Variants in SZRD1 observed in about 807,000 individuals in gnomAD.
SZRD1 encodes SUZ RNA-binding domain-containing.
Under a neutral mutation model 17.6 loss-of-function variants are expected in SZRD1, and 7 were observed. That is an observed-to-expected ratio of 0.40 (90% CI 0.23 to 0.75). The LOEUF (loss-of-function observed/expected upper bound fraction) is 0.75. Ranked by LOEUF, SZRD1 falls within the 30% of genes least tolerant of loss-of-function variation. The probability of loss-of-function intolerance (pLI) is 0.38; values close to 1 mark genes in which losing one functional copy is unlikely to be tolerated. For synonymous variants in SZRD1, 77 were observed against 77.9 expected, an observed-to-expected ratio of 0.99 and a Z score of 0.06; for missense variants, 178 against 201.8, an observed-to-expected ratio of 0.88 and a Z score of 0.71.
At chr1:16,372,213 C>G (rs2082926161) in intron 1 of SZRD1, among the ~76,000 whole-genome samples, 1 of 152,070 alleles carries the variant, frequency 6.6e-6, no homozygotes, top group African/African-American at 2.4e-5. Flanking sequence ...TGGCTCACGC[C>G]TGTAATCCCA....
rs1465417925 is a variant in SZRD1, at chr1:16,393,557, G to GT, written c.356+76dup. 6.9e-6 allele frequency: 10 copies of GT among 1,455,592 alleles called. No homozygotes were observed. The highest frequency in any genetic ancestry group is 9.3e-6 in the Non-Finnish European group (10 of 1,080,266). 90.2% of individuals were successfully genotyped at this position (1,455,592 alleles called of 1,614,324 possible). ...GGGAAGAGGAGAGCATCCTGGCTGC[G>GT]TGTAGAGTAGTGAGAAGCAAGCAGA... On this transcript the variant is annotated intron_variant, in intron 3 of 3. Coordinates refer to ENST00000401088, the MANE Select transcript of SZRD1 (RefSeq NM_001114600.3). This position sits in a 1 kb window ranked among gnomAD's most constrained non-coding sequence, Gnocchi z 5.6.
chr1:16,385,238 A>G (rs1029923876), intron 1 of SZRD1, among the ~76,000 whole-genome samples: 3 of 152,136 alleles, frequency 2.0e-5, no homozygotes, highest in Non-Finnish European at 4.4e-5. Flanking sequence ...TTTGGCTTGT[A>G]TACTGAGGCA....
chr1:16,376,818 A>AC (rs2083011352), intron 1 of SZRD1, among the ~76,000 whole-genome samples: 1 of 150,794 alleles, frequency 6.6e-6, no homozygotes. Context: ...AAAAAAAAAA[A>AC]AAAAAACGTT....
intron 1 of SZRD1, chr1:16,387,156 T>C: frequency 2.6e-6 from 1 of 386,682 alleles, no homozygotes; most frequent in Non-Finnish European, 5.1e-6. Flanking sequence ...AGTATTATAT[T>C]ACATGCCAAG....
chr1:16,370,481 G>A (rs780201547), intron 1 of SZRD1, among the ~76,000 whole-genome samples: 16 of 150,794 alleles, frequency 1.1e-4, no homozygotes, highest in South Asian at 6.3e-4. Flanking sequence ...CCTGCCTTAG[G>A]CTCCCAAAGT....
rs537572722 is a variant in SZRD1 at position 16,387,490 on chromosome 1, C to T, written c.52-3885C>T. On this transcript the variant is annotated intron_variant, in intron 1 of 3. Transcript: ENST00000401088. ...TGCCATAAAAATACTGATTTGGTTT[C>T]TTCTGCGCTAGATCTGGCCCTGTCT... 9.3e-4 allele frequency: 423 copies of T among 456,206 alleles called. 2 individuals are homozygous for T. Among genetic ancestry groups the T allele is most frequent in the South Asian group, 6.4e-3 (412 of 64,520 alleles). The allele number at this position is 456,206 out of a possible 1,614,324, so 28.3% of individuals were successfully genotyped here.
At chr1:16,372,442 C>T (rs1309593829) in intron 1 of SZRD1, among the ~76,000 whole-genome samples, 1 of 152,132 alleles carries the variant, frequency 6.6e-6, no homozygotes, top group Non-Finnish European at 1.5e-5. Flanking sequence ...CACTGCATTC[C>T]AGCCTGGGTG....
At chr1:16,367,331 T>A in intron 1 of SZRD1, 23 bp downstream of exon 1, 1 of 1,546,754 alleles carries the variant, frequency 6.5e-7, no homozygotes, top group South Asian at 1.2e-5. Context: ...CGCCGTCCCA[T>A]GGCAGGGCCG....
intron 1 of SZRD1, among the ~76,000 whole-genome samples, chr1:16,381,780 A>C (rs1018645763): frequency 2.0e-5 from 3 of 151,052 alleles, no homozygotes; most frequent in Non-Finnish European, 4.4e-5. Context: ...AAAAATACAA[A>C]AATTAGCCGG....
intron 1 of SZRD1, among the ~76,000 whole-genome samples, chr1:16,380,998 G>T (rs150801662): frequency 3.3e-5 from 5 of 150,316 alleles, no homozygotes; most frequent in Non-Finnish European, 7.4e-5. Flanking sequence ...GAGGCAGATC[G>T]CTTGAGTCCA....
At chr1:16,371,855 G>A (rs1290369194) in intron 1 of SZRD1, among the ~76,000 whole-genome samples, 1 of 152,144 alleles carries the variant, frequency 6.6e-6, no homozygotes, top group African/African-American at 2.4e-5. Flanking sequence ...CTGAGTAGCT[G>A]GGCCCACAGG....
intron 1 of SZRD1, among the ~76,000 whole-genome samples, chr1:16,376,675 A>C (rs1225837267): frequency 1.3e-5 from 2 of 151,794 alleles, no homozygotes; most frequent in African/African-American, 4.9e-5. Context: ...GTGTGGTGGC[A>C]GGTGCCTGTA....
At chr1:16,385,268 G>C (rs1042722214) in intron 1 of SZRD1, among the ~76,000 whole-genome samples, 5 of 152,166 alleles carry the variant, frequency 3.3e-5, no homozygotes, top group African/African-American at 1.2e-4. Flanking sequence ...GAGGCCTGCT[G>C]TCCTTGGGGA....
At chr1:16,370,351 G>A (rs1173162936) in intron 1 of SZRD1, among the ~76,000 whole-genome samples, 2 of 150,062 alleles carry the variant, frequency 1.3e-5, no homozygotes, top group Non-Finnish European at 3.0e-5. Context: ...TCAGCCTCCC[G>A]AGTAGCTGGG....
intron 1 of SZRD1, chr1:16,387,437 CAT>C (rs1317544771): frequency 2.2e-6 from 1 of 449,416 alleles, no homozygotes; most frequent in South Asian, 1.6e-5. Flanking sequence ...TGAAAGTTCA[CAT>C]AGTGAAGTTG....
intron 1 of SZRD1, among the ~76,000 whole-genome samples, chr1:16,382,114 G>T (rs1212063533): frequency 6.6e-6 from 1 of 152,098 alleles, no homozygotes; most frequent in Non-Finnish European, 1.5e-5. Flanking sequence ...ATTTAGTAGA[G>T]ACCCGTAGGC....
In SZRD1 at chr1:16,369,899, C is replaced by CAA. The variant is rs767599484; in HGVS notation, c.51+2602_51+2603dup. Among the ~76,000 whole-genome samples, 154 of 136,266 alleles carry CAA rather than the reference C, an allele frequency of 1.1e-3. 3 individuals are homozygous for CAA. In the East Asian group the frequency reaches 0.02, roughly 18 times the overall value. The allele number at this position is 136,266 out of a possible 152,430, so 89.4% of individuals were successfully genotyped here. On this transcript the variant is annotated intron_variant, in intron 1 of 3. Transcript: ENST00000401088. ...AGTGAAACTCCATCAAAAAAAAAAA[C>CAA]AAAAAAAAAAAACTACAGAGGTGGA...
chr1:16,377,140 C>G (rs561110441), intron 1 of SZRD1, among the ~76,000 whole-genome samples: 1 of 152,120 alleles, frequency 6.6e-6, no homozygotes, highest in Admixed American at 6.6e-5. Context: ...GTTTGCCACC[C>G]CTGCTGAGTG....
rs1452465883 is a variant in SZRD1, at chr1:16,367,268, A to G, written c.11A>G (p.Glu4Gly). The G allele has an allele frequency of 3.9e-6, 6 of 1,548,616 alleles. No individual in the cohort carries two copies. The East Asian group carries it at 7.3e-5, about 19-fold the overall frequency. MED[E>G]EVAESWEEAA... Reference sequence around the variant, plus strand: ...AAAGCGGCGAGTAAGATGGAAGATGAGGAGGTCGCTGAGAGCTGGGAAGAG... The same window carrying G: ...AAAGCGGCGAGTAAGATGGAAGATGGGGAGGTCGCTGAGAGCTGGGAAGAG... The change falls in exon 1 of 4, where the codon GAG becomes GGG. Residue 4 changes from glutamate to glycine, a missense_variant. Around this residue, in one of 3 missense-constraint regions of SZRD1, gnomAD observed 117 missense variants for 108.7 expected, o/e 1.08. Transcript: ENST00000401088.
Sources: gnomAD v4.1 joint callset for allele counts (sites outside exome capture counted in the v4.1 genomes callset) on GRCh38, gnomAD v4.1.1 for gene constraint, gnomAD v4.1.1 regional missense constraint, Gnocchi (gnomAD v3.1) non-coding constraint, MANE v1.5 for transcripts, NCBI Gene and HGNC (gene_info 2026-07-23, HGNC 2026-07-21) for gene names.